CMIP: variants seen among roughly 807,000 people sequenced by gnomAD.
CMIP encodes the protein c-Maf inducing protein, also known as C-Maf-inducing protein.
A neutral mutation model predicts 97.3 loss-of-function variants in CMIP; 13 were observed. The ratio of observed to expected loss-of-function variants is 0.13; its 90% CI spans 0.09 to 0.21. The LOEUF (loss-of-function observed/expected upper bound fraction) is 0.21, where lower values mean the gene tolerates loss of function less well. CMIP is among the 10% of genes least tolerant of loss of function. CMIP has a pLI of 1.00. For synonymous variants in CMIP, 538 were observed against 436.3 expected (o/e 1.23, Z -2.91); for missense variants, 847 against 1,024.9 (o/e 0.83, Z 2.37).
intron 8 of CMIP, 94 bp downstream of exon 8, chr16:81,670,339 T>G (rs2092670460): frequency 7.6e-7 from 1 of 1,322,738 alleles, no homozygotes. Flanking sequence ...TGTCGTGTAA[T>G]TAAATGAAGA....
chr16:81,470,802 A>G (rs1907478912), intron 1 of CMIP, among the ~76,000 whole-genome samples: 1 of 152,258 alleles, frequency 6.6e-6, no homozygotes, highest in Non-Finnish European at 1.5e-5. Context: ...TATTGGTTCC[A>G]TATAGTTTGT....
Position 81,707,325 on chromosome 16 carries a change from G to A in CMIP, c.2268+241G>A, listed in dbSNP as rs181179088. ...GGATGGTGCCTTTGATGAAGAGGCC[G>A]CAGGAGCTGAGACCCAAAACATAAG... is the stretch of plus-strand genomic sequence containing the variant. On this transcript the variant is annotated intron_variant, in intron 20 of 20. Coordinates refer to ENST00000537098, the MANE Select transcript of CMIP (RefSeq NM_198390.3). 2.2e-4 allele frequency among the ~76,000 whole-genome samples: 33 copies of A among 152,322 alleles called. 1 individual carries two copies. In the South Asian group the frequency reaches 4.3e-3, roughly 20 times the overall value.
At chr16:81,673,826 A>C (rs1414602908) in intron 9 of CMIP, among the ~76,000 whole-genome samples, 5 of 152,172 alleles carry the variant, frequency 3.3e-5, no homozygotes, top group African/African-American at 1.2e-4. Context: ...TGCTGCAGCC[A>C]CCCAGTTGTT....
chr16:81,483,599 T>TCCTCTCCCTCTCCCTCTCCCTCTC (rs57518433), intron 1 of CMIP, among the ~76,000 whole-genome samples: 2 of 145,596 alleles, frequency 1.4e-5, no homozygotes, highest in African/African-American at 5.1e-5. Flanking sequence ...CTCTTCCTCT[T>TCCTCTCCCTCTCCCTCTCCCTCTC]CCTCTCCCTC....
chr16:81,670,051 C>T lies in CMIP; in HGVS notation c.826-91C>T, dbSNP rs951213891. 9.7e-6 allele frequency: 12 copies of T among 1,234,916 alleles called. No homozygotes were observed. In the African/African-American group the frequency reaches 1.1e-4, roughly 11 times the overall value. The allele number at this position is 1,234,916 out of a possible 1,614,324, so 76.5% of individuals were successfully genotyped here. A position where few individuals can be genotyped will look rare whatever the true frequency, so the allele number is the denominator to read the frequency against. On this transcript the variant is annotated intron_variant, in intron 7 of 20. Transcript: ENST00000537098. ...CACATCAACAGCTCCAGGCAGAGCTCGGTCCCGCCCTTCTTTCTGGTGTCC... is the reference window on the plus strand; with the variant it reads ...CACATCAACAGCTCCAGGCAGAGCTTGGTCCCGCCCTTCTTTCTGGTGTCC...
intron 3 of CMIP, among the ~76,000 whole-genome samples, chr16:81,641,215 G>A (rs1365743954): frequency 1.3e-5 from 2 of 151,964 alleles, no homozygotes; most frequent in Non-Finnish European, 2.9e-5. Context: ...TTTGGTGCAG[G>A]GCCTGGCCTA....
chr16:81,456,511 C>G (rs571217345), intron 1 of CMIP, among the ~76,000 whole-genome samples: 1 of 152,346 alleles, frequency 6.6e-6, no homozygotes, highest in East Asian at 1.9e-4. Flanking sequence ...AGCACTTACC[C>G]AGAACCTGTT....
In CMIP at chr16:81,487,486, C is replaced by T. The variant is rs572091944; in HGVS notation, c.300+41945C>T. ...TGAGCCTGTGGCCTGCCAAGCGGGCCGGCTTGGCGGGAATGGGCAGGCTGG... is the reference window on the plus strand; with the variant it reads ...TGAGCCTGTGGCCTGCCAAGCGGGCTGGCTTGGCGGGAATGGGCAGGCTGG... On this transcript the variant is annotated intron_variant, in intron 1 of 20. Coordinates refer to ENST00000537098, the MANE Select transcript of CMIP (RefSeq NM_198390.3). Among the ~76,000 whole-genome samples, 18 of 152,282 alleles carry T rather than the reference C, an allele frequency of 1.2e-4. No individual in the cohort carries two copies. In the East Asian group the frequency reaches 3.1e-3, roughly 26 times the overall value.
At chr16:81,500,777 C>T (rs1015036420) in intron 1 of CMIP, among the ~76,000 whole-genome samples, 3 of 152,198 alleles carry the variant, frequency 2.0e-5, no homozygotes, top group African/African-American at 7.2e-5. Context: ...GCATGAGCCA[C>T]TGTGCCCTCC....
intron 15 of CMIP, among the ~76,000 whole-genome samples, chr16:81,701,236 G>A (rs1246543490): frequency 1.3e-5 from 2 of 152,216 alleles, no homozygotes; most frequent in South Asian, 2.1e-4. Flanking sequence ...AAGCTGTGTG[G>A]TAGATGGGCC....
chr16:81,520,881 C>A (rs1597500268), intron 1 of CMIP, among the ~76,000 whole-genome samples: 1 of 152,252 alleles, frequency 6.6e-6, no homozygotes, highest in East Asian at 1.9e-4. Flanking sequence ...AGGGCCTAAT[C>A]CTGGTGCCTG....
At chr16:81,559,636 G>A (rs918990414) in intron 1 of CMIP, among the ~76,000 whole-genome samples, 1 of 152,184 alleles carries the variant, frequency 6.6e-6, no homozygotes, top group African/African-American at 2.4e-5. Flanking sequence ...GGTGTTGGTG[G>A]TGGTGCTGGT....
At chr16:81,612,560 G>C (rs964937286) in intron 2 of CMIP, among the ~76,000 whole-genome samples, 2 of 152,210 alleles carry the variant, frequency 1.3e-5, no homozygotes, top group Non-Finnish European at 2.9e-5. Context: ...AACTGGGCCG[G>C]GGAAGGGGAG....
chr16:81,645,653 ACT>A (rs2092356396), intron 3 of CMIP: 1 of 1,524,556 alleles, frequency 6.6e-7, no homozygotes, highest in East Asian at 2.5e-5. Context: ...GGAGTGGCTG[ACT>A]CTGCCAGACG....
At chr16:81,562,685 G>A (rs1042704882) in intron 1 of CMIP, among the ~76,000 whole-genome samples, 5 of 152,254 alleles carry the variant, frequency 3.3e-5, no homozygotes, top group African/African-American at 1.2e-4. Flanking sequence ...TCCCATGCTG[G>A]GTGGTTCACT....
chr16:81,580,223 C>G (rs559897350), intron 1 of CMIP, among the ~76,000 whole-genome samples: 37 of 152,268 alleles, frequency 2.4e-4, no homozygotes, highest in African/African-American at 8.7e-4. Flanking sequence ...AGGGCAGGGC[C>G]GTGATCAGAC....
intron 3 of CMIP, among the ~76,000 whole-genome samples, chr16:81,642,413 A>G (rs1477808734): frequency 2.6e-5 from 4 of 152,288 alleles, no homozygotes; most frequent in East Asian, 3.9e-4. Context: ...TAATTCATCA[A>G]TGAATTAGTT....
intron 3 of CMIP, among the ~76,000 whole-genome samples, chr16:81,648,577 A>T (rs1448262917): frequency 3.3e-5 from 5 of 152,006 alleles, no homozygotes; most frequent in African/African-American, 1.2e-4. Context: ...TGAGATCAGG[A>T]GTTCAAGACC....
At chr16:81,605,362 T>C (rs1368255115) in intron 1 of CMIP, among the ~76,000 whole-genome samples, 1 of 152,150 alleles carries the variant, frequency 6.6e-6, no homozygotes, top group Non-Finnish European at 1.5e-5. Context: ...CGCAGCTGCC[T>C]CCTCCCCTAG....
Sources: allele counts gnomAD v4.1 joint callset (sites outside exome capture counted in the v4.1 genomes callset), GRCh38; gene constraint gnomAD v4.1.1; transcripts MANE v1.5; gene names NCBI Gene and HGNC (gene_info 2026-07-23, HGNC 2026-07-21).